Variants in MDGA2 observed in about 807,000 individuals in gnomAD.
MDGA2 encodes MAM domain containing glycosylphosphatidylinositol anchor 2, also known as MAM domain-containing glycosylphosphatidylinositol anchor protein 2.
Under a neutral mutation model 117.8 loss-of-function variants are expected in MDGA2, and 40 were observed. The ratio of observed to expected loss-of-function variants is 0.34; its 90% CI spans 0.26 to 0.44. MDGA2 has a LOEUF of 0.44. Ranked by LOEUF, MDGA2 falls within the 20% of genes least tolerant of loss-of-function variation. The pLI, the probability that MDGA2 is intolerant of heterozygous loss-of-function variation, is 1.00. For synonymous variants in MDGA2, 452 were observed against 439.0 expected (o/e 1.03, Z -0.37); for missense variants, 1,123 against 1,250.6 (o/e 0.90, Z 1.54).
chr14:47,138,322 ATAATTAGTC>A (rs1242658855), intron 4 of MDGA2, among the ~76,000 whole-genome samples: 2 of 152,144 alleles, frequency 1.3e-5, no homozygotes, highest in Admixed American at 6.6e-5. Flanking sequence ...GTCTAATTGT[ATAATTAGTC>A]TAATTAGACT....
intron 3 of MDGA2, among the ~76,000 whole-genome samples, chr14:47,188,202 C>T (rs771563398): frequency 6.6e-6 from 1 of 152,066 alleles, no homozygotes; most frequent in Non-Finnish European, 1.5e-5. Flanking sequence ...ATAAGCTTTT[C>T]CCTTTGAATG....
At chr14:47,276,215 G>A (rs1888307208) in intron 2 of MDGA2, among the ~76,000 whole-genome samples, 1 of 152,096 alleles carries the variant, frequency 6.6e-6, no homozygotes, top group African/African-American at 2.4e-5. Flanking sequence ...CACTACCAGA[G>A]TCCAAATTAT....
At chr14:47,051,781 T>G (rs1241236305) in intron 7 of MDGA2, among the ~76,000 whole-genome samples, 1 of 151,962 alleles carries the variant, frequency 6.6e-6, no homozygotes, top group East Asian at 1.9e-4. Flanking sequence ...TGTTAGCCTG[T>G]GGATCCAATC....
chr14:47,565,867 T>A (rs961673515), intron 1 of MDGA2, among the ~76,000 whole-genome samples: 1 of 152,032 alleles, frequency 6.6e-6, no homozygotes, highest in Non-Finnish European at 1.5e-5. Flanking sequence ...GCTGTGACAA[T>A]GTGGGGCAGG....
chr14:47,244,253 T>C (rs1000123538), intron 2 of MDGA2, among the ~76,000 whole-genome samples: 1 of 151,842 alleles, frequency 6.6e-6, no homozygotes, highest in African/African-American at 2.4e-5. Flanking sequence ...GAGAAGATAA[T>C]AGAAGTCAAT....
chr14:47,157,403 T>A (rs201909083), intron 3 of MDGA2, among the ~76,000 whole-genome samples: 1 of 152,172 alleles, frequency 6.6e-6, no homozygotes, highest in Non-Finnish European at 1.5e-5. Flanking sequence ...TGCAACTACA[T>A]GTTTTATATA....
At chr14:47,377,876 T>A (rs1459843897) in intron 1 of MDGA2, among the ~76,000 whole-genome samples, 2 of 152,162 alleles carry the variant, frequency 1.3e-5, no homozygotes, top group African/African-American at 2.4e-5. Flanking sequence ...TCTCCCAGCA[T>A]GGAGTTTGAG....
chr14:47,215,891 C>A (rs747779525), intron 3 of MDGA2, among the ~76,000 whole-genome samples: 16 of 152,078 alleles, frequency 1.1e-4, no homozygotes, highest in Admixed American at 2.6e-4. Flanking sequence ...GAACGAGATG[C>A]TTGTCAAGTC....
At chr14:46,999,987 T>C (rs539399056) in intron 8 of MDGA2, among the ~76,000 whole-genome samples, 10 of 152,058 alleles carry the variant, frequency 6.6e-5, no homozygotes, top group African/African-American at 2.2e-4. Flanking sequence ...ATCACCTGGA[T>C]TGAAATACCA....
At chr14:47,392,919 T>C (rs1232482201) in intron 1 of MDGA2, among the ~76,000 whole-genome samples, 1 of 152,064 alleles carries the variant, frequency 6.6e-6, no homozygotes, top group East Asian at 1.9e-4. Flanking sequence ...AGCATCTCGT[T>C]ACTTTTATTT....
chr14:47,557,901 G>C (rs1329005563), intron 1 of MDGA2, among the ~76,000 whole-genome samples: 2 of 152,100 alleles, frequency 1.3e-5, no homozygotes, highest in Non-Finnish European at 2.9e-5. Context: ...ATATAAAAGA[G>C]CTTCAAACAG....
intron 8 of MDGA2, among the ~76,000 whole-genome samples, chr14:46,979,231 CTT>C (rs2138371305): frequency 6.6e-6 from 1 of 152,044 alleles, no homozygotes; most frequent in East Asian, 1.9e-4. Flanking sequence ...ATATGACAAA[CTT>C]AATATGTGTT....
chr14:47,544,987 A>C (rs1895431408), intron 1 of MDGA2, among the ~76,000 whole-genome samples: 2 of 152,226 alleles, frequency 1.3e-5, no homozygotes, highest in African/African-American at 2.4e-5. Context: ...TAAAATTATT[A>C]TCTAAATTCT....
intron 9 of MDGA2, among the ~76,000 whole-genome samples, chr14:46,926,321 T>C (rs1202490829): frequency 2.6e-5 from 4 of 151,762 alleles, no homozygotes; most frequent in African/African-American, 9.7e-5. Context: ...TTGCAAAGTA[T>C]CAAAAATAAT....
At chr14:47,422,908 G>C (rs538151399) in intron 1 of MDGA2, among the ~76,000 whole-genome samples, 5 of 152,136 alleles carry the variant, frequency 3.3e-5, no homozygotes, top group Non-Finnish European at 7.4e-5. Context: ...ATTTTAAATA[G>C]ATAGATGATA....
At chr14:47,157,488 A>G (rs1327385646) in intron 3 of MDGA2, among the ~76,000 whole-genome samples, 1 of 152,168 alleles carries the variant, frequency 6.6e-6, no homozygotes, top group African/African-American at 2.4e-5. Flanking sequence ...TATGTCCTGG[A>G]AAAACTGTCC....
intron 8 of MDGA2, among the ~76,000 whole-genome samples, chr14:47,020,340 C>A (rs1385434340): frequency 6.6e-6 from 1 of 152,166 alleles, no homozygotes; most frequent in Non-Finnish European, 1.5e-5. Flanking sequence ...AATGTCAAAA[C>A]TCTATAATTA....
intron 14 of MDGA2, among the ~76,000 whole-genome samples, chr14:46,873,149 G>A (rs555536520): frequency 6.6e-6 from 1 of 152,034 alleles, no homozygotes; most frequent in African/African-American, 2.4e-5. Flanking sequence ...ATTATGCTGT[G>A]TCAATTCCAT....
chr14:47,386,750 CA>C (rs939316971), intron 1 of MDGA2, among the ~76,000 whole-genome samples: 2 of 152,126 alleles, frequency 1.3e-5, no homozygotes, highest in African/African-American at 4.8e-5. Context: ...TTATATCATT[CA>C]GGGACTATAT....
Sources: gnomAD v4.1 joint callset for allele counts (sites outside exome capture counted in the v4.1 genomes callset) on GRCh38, gnomAD v4.1.1 for gene constraint, MANE v1.5 for transcripts, NCBI Gene and HGNC (gene_info 2026-07-23, HGNC 2026-07-21) for gene names.